Variants in ELF2 observed in about 807,000 individuals in gnomAD.
ELF2 encodes the protein ETS-related transcription factor Elf-2.
ELF2 carries 11 observed loss-of-function variants against 54.8 expected under a neutral mutation model. That is an observed-to-expected ratio of 0.20 (90% CI 0.13 to 0.33). The LOEUF (loss-of-function observed/expected upper bound fraction) is 0.33, where lower values mean the gene tolerates loss of function less well. ELF2 is among the 10% of genes least tolerant of loss of function. ELF2 has a pLI of 1.00. For synonymous variants in ELF2, 203 were observed against 245.1 expected (o/e 0.83, Z 1.61); for missense variants, 513 against 703.0 (o/e 0.73, Z 3.06).
At chr4:139,151,492 TTC>T (rs1249566418) in intron 1 of ELF2, among the ~76,000 whole-genome samples, 2 of 152,144 alleles carry the variant, frequency 1.3e-5, no homozygotes, top group South Asian at 2.1e-4. Flanking sequence ...GCAATGCAAA[TTC>T]TGTTTTATAT....
intron 4 of ELF2, among the ~76,000 whole-genome samples, chr4:139,082,223 G>A (rs1229180993): frequency 1.3e-5 from 2 of 152,112 alleles, no homozygotes; most frequent in Admixed American, 6.6e-5. Context: ...CGCAGCCACT[G>A]GAAACAACAT....
intron 6 of ELF2, among the ~76,000 whole-genome samples, 170 bp downstream of exon 6, chr4:139,071,696 C>G (rs755714079): frequency 3.3e-5 from 5 of 151,994 alleles, no homozygotes; most frequent in Non-Finnish European, 5.9e-5. Context: ...AGTATGAGTA[C>G]GTTAAAATAC....
chr4:139,077,962 C>A (rs1393149650), intron 4 of ELF2, among the ~76,000 whole-genome samples: 1 of 152,162 alleles, frequency 6.6e-6, no homozygotes, highest in Non-Finnish European at 1.5e-5. Context: ...GCTGGTCAAT[C>A]CCCCTTGAAA....
chr4:139,176,371 G>C (rs1742918464), intron 1 of ELF2, among the ~76,000 whole-genome samples: 1 of 146,918 alleles, frequency 6.8e-6, no homozygotes, highest in East Asian at 2.0e-4. Context: ...GATAAGGCAC[G>C]ACAGGGAAGG....
At chr4:139,127,731 G>GC (rs1228662025) in intron 3 of ELF2, among the ~76,000 whole-genome samples, 1 of 152,092 alleles carries the variant, frequency 6.6e-6, no homozygotes. Flanking sequence ...TTTGGAGGCT[G>GC]AGGTGGGCAG....
chr4:139,151,023 C>CAA lies in ELF2; in HGVS notation c.-251-11528_-251-11527dup, dbSNP rs79837347. ...TAGGTGACGGAACGAGGCTCCATCT[C>CAA]AAAAAAAAAAAAGAAAGAAAGAAAG... On this transcript the variant is annotated intron_variant, in intron 1 of 9. Transcript: ENST00000686138. Among the ~76,000 whole-genome samples the CAA allele has an allele frequency of 8.3e-5, 4 of 48,334 alleles. No homozygotes were observed. In the East Asian group the frequency reaches 1.3e-3, roughly 16 times the overall value. 31.7% of individuals were successfully genotyped at this position (48,334 alleles called of 152,430 possible).
intron 4 of ELF2, among the ~76,000 whole-genome samples, chr4:139,121,673 A>T (rs1736362350): frequency 6.6e-6 from 1 of 152,144 alleles, no homozygotes; most frequent in Admixed American, 6.5e-5. Context: ...TGGGGAAGAT[A>T]TGTTATACCT....
chr4:139,068,606 T>C (rs1433772093), intron 6 of ELF2, among the ~76,000 whole-genome samples: 1 of 152,230 alleles, frequency 6.6e-6, no homozygotes, highest in African/African-American at 2.4e-5. Context: ...TGATTTCATA[T>C]GTCTAATAAA....
chr4:139,117,520 C>G (rs895379781), intron 4 of ELF2, among the ~76,000 whole-genome samples: 6 of 150,458 alleles, frequency 4.0e-5, no homozygotes, highest in Non-Finnish European at 8.9e-5. Flanking sequence ...AAGGAGAAAC[C>G]CCGTCTCTAT....
At chr4:139,153,745 G>C (rs1740251708) in intron 1 of ELF2, among the ~76,000 whole-genome samples, 1 of 152,104 alleles carries the variant, frequency 6.6e-6, no homozygotes. Flanking sequence ...ACAAACACAA[G>C]ACTAGAAGTC....
chr4:139,120,558 ACT>A (rs774037104), intron 4 of ELF2, among the ~76,000 whole-genome samples: 4 of 151,432 alleles, frequency 2.6e-5, no homozygotes, highest in African/African-American at 7.3e-5. Context: ...CTGGCCTCAG[ACT>A]CTCAAGTAGC....
intron 5 of ELF2, 49 bp downstream of exon 5, chr4:139,073,405 A>T (rs752241249): frequency 7.4e-7 from 1 of 1,355,890 alleles, no homozygotes; most frequent in South Asian, 1.4e-5. Flanking sequence ...TATTTTAGAC[A>T]TATGAAGTAG....
intron 1 of ELF2, among the ~76,000 whole-genome samples, chr4:139,153,409 T>C (rs182078738): frequency 1.6e-3 from 243 of 152,024 alleles, no homozygotes; most frequent in Non-Finnish European, 2.5e-3. Context: ...CACTCCAGCC[T>C]GAGTAACAGA....
At chr4:139,068,032 C>CTT (rs796236359) in intron 6 of ELF2, among the ~76,000 whole-genome samples, 6 of 146,302 alleles carry the variant, frequency 4.1e-5, no homozygotes, top group Admixed American at 1.4e-4. Context: ...ATTTGCCAAT[C>CTT]TTTTTTTTTT....
rs555664677 is a variant in ELF2, at chr4:139,156,515, G to T, written c.-251-17018C>A. Among the ~76,000 whole-genome samples the T allele has an allele frequency of 5.3e-5, 8 of 151,470 alleles. No individual in the cohort carries two copies. The East Asian group carries it at 1.4e-3, about 26-fold the overall frequency. ...TATATTCTTGTGTGGTATACACATG[G>T]TCTCATACCATGACTAATAACAGCT... On this transcript the variant is annotated intron_variant, in intron 1 of 9. Transcript: ENST00000686138.
intron 6 of ELF2, among the ~76,000 whole-genome samples, chr4:139,069,956 T>G (rs540167936): frequency 5.9e-4 from 89 of 152,028 alleles, no homozygotes; most frequent in African/African-American, 2.0e-3. Flanking sequence ...TCCTCCTGCC[T>G]CAGCCTCCCG....
intron 4 of ELF2, among the ~76,000 whole-genome samples, chr4:139,108,721 T>C (rs1734665361): frequency 1.3e-5 from 2 of 151,878 alleles, no homozygotes; most frequent in South Asian, 4.2e-4. Context: ...CAACAAAACA[T>C]ACCCTGCTCT....
intron 1 of ELF2, among the ~76,000 whole-genome samples, chr4:139,148,003 C>T (rs888800640): frequency 2.6e-5 from 4 of 151,096 alleles, no homozygotes; most frequent in Non-Finnish European, 5.9e-5. Flanking sequence ...TCAGGCTGGT[C>T]GCAAACTCTT....
chr4:139,065,583 C>T (rs986712534), intron 7 of ELF2, among the ~76,000 whole-genome samples: 1 of 152,134 alleles, frequency 6.6e-6, no homozygotes, highest in African/African-American at 2.4e-5. Context: ...TGACTATTAT[C>T]ACAATTTTAC....
Sources: gnomAD v4.1 joint callset for allele counts (sites outside exome capture counted in the v4.1 genomes callset) on GRCh38, gnomAD v4.1.1 for gene constraint, MANE v1.5 for transcripts, NCBI Gene and HGNC (gene_info 2026-07-23, HGNC 2026-07-21) for gene names.